The following FNDC7 variants were observed in gnomAD, a reference collection of about 807,000 sequenced individuals.
FNDC7 encodes the protein fibronectin type III domain containing 7.
FNDC7 carries 66 observed loss-of-function variants against 74.2 expected under a neutral mutation model. The observed-to-expected ratio is 0.89, with a 90% CI of 0.73 to 1.09. The LOEUF (loss-of-function observed/expected upper bound fraction) is 1.09, where lower values mean the gene tolerates loss of function less well. FNDC7 is among the 50% of genes least tolerant of loss of function. The pLI is 0.00. For synonymous variants in FNDC7, 307 were observed against 330.2 expected (o/e 0.93, Z 0.76); for missense variants, 829 against 893.4 (o/e 0.93, Z 0.92).
intron 11 of FNDC7, among the ~76,000 whole-genome samples, chr1:108,738,751 G>A (rs528231669): frequency 6.6e-6 from 1 of 152,146 alleles, no homozygotes; most frequent in East Asian, 1.9e-4. Flanking sequence ...TTGCTTCTCT[G>A]AGCACAGCAG....
chr1:108,718,725 C>T lies in FNDC7; in HGVS notation c.338-64C>T. The T allele has an allele frequency of 9.3e-6, 14 of 1,503,196 alleles. No individual in the cohort carries two copies. The South Asian group carries it at 1.8e-4, about 19-fold the overall frequency. The allele number at this position is 1,503,196 out of a possible 1,614,324, so 93.1% of individuals were successfully genotyped here. On this transcript the variant is annotated intron_variant, in intron 3 of 12. Transcript: ENST00000370017. ...ATTATGGATATCAATTTACTTGCTT[C>T]TAAATTTGAATTATCCTCTATTGGA... is the stretch of plus-strand genomic sequence containing the variant.
chr1:108,736,637 C>T (rs1209282083), intron 10 of FNDC7, among the ~76,000 whole-genome samples: 2 of 152,172 alleles, frequency 1.3e-5, no homozygotes, highest in South Asian at 2.1e-4. Flanking sequence ...GGTTAGCCAC[C>T]AGAAGTCCTT....
intron 11 of FNDC7, among the ~76,000 whole-genome samples, chr1:108,740,804 A>G (rs532422632): frequency 6.6e-6 from 1 of 152,392 alleles, no homozygotes; most frequent in Admixed American, 6.5e-5. Flanking sequence ...TGGACACAAT[A>G]ATAGGCTCAT....
chr1:108,727,056 T>G (rs1661234265), intron 6 of FNDC7, among the ~76,000 whole-genome samples: 1 of 152,098 alleles, frequency 6.6e-6, no homozygotes, highest in South Asian at 2.1e-4. Context: ...CCGGGCACAG[T>G]GGTTCACGCC....
chr1:108,725,951 T>C lies in FNDC7; in HGVS notation c.1058T>C (p.Val353Ala), dbSNP rs4494160. 1,126,532 of 1,613,808 alleles carry C rather than the reference T, an allele frequency of 0.7. 400,670 individuals carry two copies. Among genetic ancestry groups the C allele is most frequent in the African/African-American group, 0.8 (59,765 of 74,944 alleles). ...TTCACTTATTTTATTAGTGTTTTTG[T>C]CTATAACAAGGCAGGGCAAAGTCCT... The part of the protein sequence containing the change: ...CGFTYFISVF[V>A]YNKAGQSPLG... Residue 353 changes from valine (V) to alanine (A), a missense_variant, in exon 6 of 13, where the codon GTC becomes GCC. Val to Ala is a moderately conservative substitution (Grantham distance 64). Transcript: ENST00000370017.
chr1:108,737,494 G>C lies in FNDC7; in HGVS notation c.2141-1G>C, dbSNP rs772245799. The C allele has an allele frequency of 6.3e-7, 1 of 1,587,044 alleles. No individual in the cohort carries two copies. Among genetic ancestry groups the C allele is most frequent in the Non-Finnish European group, 8.6e-7 (1 of 1,169,132 alleles). On this transcript the variant is annotated splice_acceptor_variant, in intron 10 of 12. Coordinates refer to ENST00000370017, the MANE Select transcript of FNDC7 (RefSeq NM_001144937.3). LOFTEE classifies it high-confidence loss of function. ...TTTAAATGCTTGTGTTTTTATTACA[G>C]TAACTTGCTCTGGAAGTACACTTGG...
chr1:108,739,740 T>A (rs1661594814), intron 11 of FNDC7, among the ~76,000 whole-genome samples: 1 of 152,202 alleles, frequency 6.6e-6, no homozygotes, highest in Non-Finnish European at 1.5e-5. Flanking sequence ...TTGATACACA[T>A]GAAGTTTGAG....
chr1:108,719,931 T>C (rs1049136484), intron 4 of FNDC7, among the ~76,000 whole-genome samples: 1 of 152,174 alleles, frequency 6.6e-6, no homozygotes, highest in Non-Finnish European at 1.5e-5. Flanking sequence ...AAATGTTCTC[T>C]CCAACTTTCC....
At chr1:108,722,618 G>T (rs1020258407) in intron 5 of FNDC7, 26 bp downstream of exon 5, 3 of 1,593,570 alleles carry the variant, frequency 1.9e-6, no homozygotes, top group Admixed American at 1.7e-5. Context: ...TGAGACTGCT[G>T]TCGGGCTTGC....
intron 8 of FNDC7, among the ~76,000 whole-genome samples, chr1:108,730,417 TG>T (rs1661317027): frequency 7.5e-6 from 1 of 133,994 alleles, no homozygotes; most frequent in African/African-American, 3.3e-5. Context: ...TTTCTTATTC[TG>T]AAAAAAAAAA....
Position 108,713,546 on chromosome 1 carries a change from T to C in FNDC7, c.82+17T>C. 6.5e-7 allele frequency: 1 copy of C among 1,539,098 alleles called. No individual in the cohort carries two copies. The stretch of plus-strand genomic sequence containing the variant: ...CAAAATCAGGTACAATTTTCTGACC[T>C]GCAAGTTTTTCCTTCTCGTATTTGA... On this transcript the variant is annotated intron_variant, in intron 2 of 12. Transcript: ENST00000370017.
chr1:108,726,318 G>A (rs1462054883), intron 6 of FNDC7, among the ~76,000 whole-genome samples: 1 of 152,090 alleles, frequency 6.6e-6, no homozygotes, highest in Admixed American at 6.5e-5. Flanking sequence ...CCAGAGAGAA[G>A]GCAGTGCCTC....
intron 11 of FNDC7, among the ~76,000 whole-genome samples, chr1:108,740,800 C>G (rs1006524372): frequency 2.0e-5 from 3 of 152,184 alleles, no homozygotes; most frequent in Non-Finnish European, 4.4e-5. Flanking sequence ...TTATTGGACA[C>G]AATAATAGGC....
Position 108,733,292 on chromosome 1 carries a change from G to A in FNDC7, c.1900G>A (p.Val634Met). ...YFSGACCPLG[V>M]KLYRLGPNGI... ...CCTAGGTGCCTGCTGCCCTTTGGGG[G>A]TGAAATTATATAGGCTGGGCCCTAA... is the stretch of plus-strand genomic sequence containing the variant. The change falls in exon 10 of 13, where the codon GTG becomes ATG. Residue 634 changes from valine to methionine, a missense_variant. By Grantham distance (21) the Val-to-Met change is conservative. Transcript: ENST00000370017. The A allele has an allele frequency of 6.2e-7, 1 of 1,610,686 alleles. No homozygotes were observed. Among genetic ancestry groups the A allele is most frequent in the Non-Finnish European group, 8.5e-7 (1 of 1,177,056 alleles).
At chr1:108,727,744 CA>C in intron 6 of FNDC7, 63 bp from the exon 7 acceptor site, 9 of 1,580,896 alleles carry the variant, frequency 5.7e-6, no homozygotes, top group Non-Finnish European at 7.7e-6. Flanking sequence ...GGTCAGGACA[CA>C]GTGTACCCCC....
chr1:108,728,944 C>A, intron 8 of FNDC7, 58 bp downstream of exon 8: 1 of 1,579,406 alleles, frequency 6.3e-7, no homozygotes, highest in Admixed American at 1.7e-5. Context: ...TGGAGTGTTT[C>A]AAGACATGAA....
intron 8 of FNDC7, among the ~76,000 whole-genome samples, chr1:108,729,174 G>A (rs1227813785): frequency 2.6e-5 from 4 of 152,112 alleles, no homozygotes; most frequent in African/African-American, 7.2e-5. Flanking sequence ...ATAATCTATC[G>A]AAACAGCTAA....
chr1:108,717,242 T>G (rs1406696770), intron 2 of FNDC7, among the ~76,000 whole-genome samples: 1 of 152,200 alleles, frequency 6.6e-6, no homozygotes, highest in Admixed American at 6.5e-5. Context: ...CTTGCTCCAT[T>G]GGATTAAAGG....
chr1:108,739,298 ACCAG>A (rs1661585946), intron 11 of FNDC7, among the ~76,000 whole-genome samples: 1 of 152,076 alleles, frequency 6.6e-6, no homozygotes, highest in Non-Finnish European at 1.5e-5. Flanking sequence ...GGAGTTGGAG[ACCAG>A]CCTGGCCAAC....
Sources: allele counts gnomAD v4.1 joint callset (sites outside exome capture counted in the v4.1 genomes callset), GRCh38; gene constraint gnomAD v4.1.1; transcripts MANE v1.5; gene names NCBI Gene and HGNC (gene_info 2026-07-23, HGNC 2026-07-21).